The following FARSB variants were observed in gnomAD, a reference collection of about 807,000 sequenced individuals.
FARSB encodes phenylalanyl-tRNA synthetase subunit beta, also known as phenylalanine--tRNA ligase beta subunit.
In FARSB, 40 loss-of-function variants were observed where a neutral mutation model predicts 69.6. The ratio of observed to expected loss-of-function variants is 0.57; its 90% CI spans 0.45 to 0.75. The LOEUF is 0.75. Among genes scored for constraint, FARSB ranks in the 30% least tolerant of loss-of-function variants. FARSB has a pLI of 0.00. For synonymous variants in FARSB, 235 were observed against 247.2 expected, an observed-to-expected ratio of 0.95 and a Z score of 0.46; for missense variants, 632 against 722.9, an observed-to-expected ratio of 0.87 and a Z score of 1.44.
At chr2:222,575,839 G>A (rs1235368034) in intron 16 of FARSB, among the ~76,000 whole-genome samples, 1 of 152,158 alleles carries the variant, frequency 6.6e-6, no homozygotes, top group Non-Finnish European at 1.5e-5. Flanking sequence ...TGAGGACCTT[G>A]GGGGTAATTC....
At chr2:222,643,676 C>T (rs886318623) in intron 2 of FARSB, among the ~76,000 whole-genome samples, 9 of 152,068 alleles carry the variant, frequency 5.9e-5, no homozygotes, top group African/African-American at 1.9e-4. Context: ...AGTCAGAGAC[C>T]ATCAGACACT....
In FARSB at chr2:222,571,921, G is replaced by A; in HGVS notation, c.1720C>T (p.Leu574=). 1 of 1,613,682 alleles carries A rather than the reference G, an allele frequency of 6.2e-7. No homozygotes were observed. Among genetic ancestry groups the A allele is most frequent in the Non-Finnish European group, 8.5e-7 (1 of 1,179,758 alleles). Reference sequence around the variant, plus strand: ...TCTAGGGAGGAGCAGGGCATGGTCAGCTCAAATTTGGTGATAACGTCAGGA... The same window carrying A: ...TCTAGGGAGGAGCAGGGCATGGTCAACTCAAATTTGGTGATAACGTCAGGA... The part of the protein sequence containing the change: ...LHPDVITKFE[L]TMPCSSLEIN... The change falls in exon 17 of 17, where the codon CTG becomes TTG. Residue 574 remains leucine (L), a synonymous_variant. Coordinates refer to ENST00000281828, the MANE Select transcript of FARSB (RefSeq NM_005687.5).
chr2:222,617,244 C>T lies in FARSB; in HGVS notation c.1344+2401G>A. On this transcript the variant is annotated intron_variant, in intron 14 of 16. Coordinates refer to ENST00000281828, the MANE Select transcript of FARSB (RefSeq NM_005687.5). Reference sequence around the variant, plus strand: ...CTCGATCTCCTGACCTCATGATCCACCCGCCTCGGCCTCCCAAGAAAGATT... The same window carrying T: ...CTCGATCTCCTGACCTCATGATCCATCCGCCTCGGCCTCCCAAGAAAGATT... Among the ~76,000 whole-genome samples, 2 of 5,116 alleles carry T rather than the reference C, an allele frequency of 3.9e-4. 1 individual carries two copies. The highest frequency in any genetic ancestry group is 8.5e-3 in the South Asian group (2 of 236). 3.4% of individuals were successfully genotyped at this position (5,116 alleles called of 152,430 possible). A position where few individuals can be genotyped will look rare whatever the true frequency, so the allele number is the denominator to read the frequency against.
intron 13 of FARSB, among the ~76,000 whole-genome samples, chr2:222,622,772 G>A (rs115541992): frequency 1.8e-3 from 267 of 152,284 alleles, no homozygotes; most frequent in African/African-American, 6.0e-3. Flanking sequence ...CCTGCTGTCC[G>A]TGTAAAATGT....
chr2:222,586,082 T>A (rs539150154), intron 16 of FARSB, among the ~76,000 whole-genome samples: 4 of 151,726 alleles, frequency 2.6e-5, no homozygotes, highest in Non-Finnish European at 5.9e-5. Flanking sequence ...AAGGGTGAAA[T>A]GAAGGAAAAA....
intron 7 of FARSB, among the ~76,000 whole-genome samples, chr2:222,632,469 T>A (rs1178234616): frequency 3.3e-5 from 5 of 152,166 alleles, no homozygotes; most frequent in Non-Finnish European, 7.4e-5. Context: ...GGGTCCAAGA[T>A]CTTGAGAAGA....
At chr2:222,612,306 C>T (rs1034230870) in intron 15 of FARSB, among the ~76,000 whole-genome samples, 9 of 152,198 alleles carry the variant, frequency 5.9e-5, no homozygotes, top group African/African-American at 1.9e-4. Context: ...GAGATCTGTA[C>T]TATGGCTCCA....
At chr2:222,651,593 A>G (rs947996500) in intron 1 of FARSB, among the ~76,000 whole-genome samples, 2 of 152,210 alleles carry the variant, frequency 1.3e-5, no homozygotes, top group African/African-American at 4.8e-5. Context: ...CATAAATCCA[A>G]TTAATCACAC....
chr2:222,575,012 T>C (rs147090229), intron 16 of FARSB, among the ~76,000 whole-genome samples: 10 of 152,336 alleles, frequency 6.6e-5, no homozygotes, highest in Non-Finnish European at 1.3e-4. Flanking sequence ...AAACCAAACT[T>C]TGCAGGCAGA....
intron 16 of FARSB, among the ~76,000 whole-genome samples, chr2:222,594,803 A>C (rs577563195): frequency 6.6e-6 from 1 of 152,278 alleles, no homozygotes; most frequent in East Asian, 1.9e-4. Flanking sequence ...CCTCAAAAAG[A>C]GTTAAGTGAA....
At chr2:222,577,028 A>C (rs1559187213) in intron 16 of FARSB, among the ~76,000 whole-genome samples, 1 of 152,178 alleles carries the variant, frequency 6.6e-6, no homozygotes, top group Non-Finnish European at 1.5e-5. Flanking sequence ...CAACAAGGGG[A>C]GAGAACTCAA....
intron 6 of FARSB, 53 bp downstream of exon 6, chr2:222,634,338 A>G (rs888667903): frequency 9.1e-6 from 12 of 1,320,412 alleles, no homozygotes; most frequent in Non-Finnish European, 1.2e-5. Flanking sequence ...CTTGACTTTG[A>G]TGGAATTTCA....
intron 8 of FARSB, among the ~76,000 whole-genome samples, 194 bp from the exon 9 acceptor site, chr2:222,630,368 C>G (rs1046639759): frequency 6.6e-6 from 1 of 152,182 alleles, no homozygotes; most frequent in African/African-American, 2.4e-5. Context: ...TTACGCAGTT[C>G]TCTGACAGTT....
At chr2:222,601,165 A>G (rs1010991768) in intron 15 of FARSB, among the ~76,000 whole-genome samples, 4 of 152,230 alleles carry the variant, frequency 2.6e-5, no homozygotes, top group Non-Finnish European at 4.4e-5. Flanking sequence ...AAGTTTAGCC[A>G]TGCAAGATGA....
chr2:222,629,668 C>T (rs777643460), intron 9 of FARSB, among the ~76,000 whole-genome samples: 4 of 152,162 alleles, frequency 2.6e-5, no homozygotes, highest in African/African-American at 4.8e-5. Context: ...AATATTTATG[C>T]GTATGTCTTA....
chr2:222,655,640 AC>A (rs1330941024), intron 1 of FARSB, among the ~76,000 whole-genome samples: 3 of 151,772 alleles, frequency 2.0e-5, no homozygotes, highest in Non-Finnish European at 4.4e-5. Context: ...CTCTCCTCCT[AC>A]CCCCTTATAA....
At chr2:222,627,591 TG>T (rs1199697190) in intron 10 of FARSB, among the ~76,000 whole-genome samples, 1 of 152,186 alleles carries the variant, frequency 6.6e-6, no homozygotes, top group Non-Finnish European at 1.5e-5. Flanking sequence ...CACTAAGTCT[TG>T]GGGGTAGTTT....
At chr2:222,645,264 G>A (rs1417990389) in intron 2 of FARSB, among the ~76,000 whole-genome samples, 1 of 152,170 alleles carries the variant, frequency 6.6e-6, no homozygotes, top group African/African-American at 2.4e-5. Flanking sequence ...GCTAGTAAAT[G>A]TTAGAACTAG....
intron 4 of FARSB, among the ~76,000 whole-genome samples, chr2:222,640,046 G>C (rs1036739627): frequency 1.3e-5 from 2 of 152,110 alleles, no homozygotes; most frequent in African/African-American, 4.8e-5. Flanking sequence ...TTTTAAACAT[G>C]CATTGGATAT....
Sources: gnomAD v4.1 joint callset for allele counts (sites outside exome capture counted in the v4.1 genomes callset) on GRCh38, gnomAD v4.1.1 for gene constraint, MANE v1.5 for transcripts, NCBI Gene and HGNC (gene_info 2026-07-23, HGNC 2026-07-21) for gene names.